Variants in ARHGAP5 observed in about 807,000 individuals in gnomAD.
ARHGAP5 encodes the protein Rho GTPase activating protein 5, also known as rho GTPase-activating protein 5.
ARHGAP5 carries 23 observed loss-of-function variants against 116.6 expected under a neutral mutation model. The ratio of observed to expected loss-of-function variants is 0.20; its 90% CI spans 0.14 to 0.28. ARHGAP5 has a LOEUF of 0.28. Ranked by LOEUF, ARHGAP5 falls within the 10% of genes least tolerant of loss-of-function variation. ARHGAP5 has a pLI of 1.00. For synonymous variants in ARHGAP5, 574 were observed against 602.0 expected, an observed-to-expected ratio of 0.95 and a Z score of 0.68; for missense variants, 1,405 against 1,774.8, an observed-to-expected ratio of 0.79 and a Z score of 3.74.
At chr14:32,149,661 A>G (rs1451272324) in intron 4 of ARHGAP5, among the ~76,000 whole-genome samples, 1 of 151,360 alleles carries the variant, frequency 6.6e-6, no homozygotes, top group Non-Finnish European at 1.5e-5. Flanking sequence ...AATCCCAGCT[A>G]CTCGGGAGGC....
chr14:32,094,465 A>T, intron 2 of ARHGAP5, 79 bp downstream of exon 2: 1 of 1,064,624 alleles, frequency 9.4e-7, no homozygotes, highest in East Asian at 2.4e-5. Context: ...CAGTGTTAGA[A>T]TTTAGTCTCA....
chr14:32,131,699 G>A (rs562828803), intron 3 of ARHGAP5, among the ~76,000 whole-genome samples: 27 of 152,064 alleles, frequency 1.8e-4, no homozygotes, highest in Non-Finnish European at 2.8e-4. Context: ...TGGTCATTTA[G>A]CATCAGGTAT....
At position 32,091,405 on chromosome 14, in the gene ARHGAP5, T is replaced by C. The variant is rs1222717180; in HGVS notation, c.736T>C (p.Leu246=). 1.9e-6 allele frequency: 3 copies of C among 1,610,806 alleles called. No individual in the cohort carries two copies. Among genetic ancestry groups the C allele is most frequent in the Non-Finnish European group, 2.5e-6 (3 of 1,178,528 alleles). ...ETCFTALVQM[L]DKTRSKPKII... ...ATGTTTTACTGCACTGGTACAAATGTTGGATAAAACTCGTAGCAAGCCTAA... is the reference window on the plus strand; with the variant it reads ...ATGTTTTACTGCACTGGTACAAATGCTGGATAAAACTCGTAGCAAGCCTAA... Residue 246 remains leucine (L), a synonymous_variant, in exon 2 of 7, where the codon TTG becomes CTG. Transcript: ENST00000345122.
At chr14:32,116,459 G>C (rs1351554657) in intron 2 of ARHGAP5, among the ~76,000 whole-genome samples, 3 of 151,524 alleles carry the variant, frequency 2.0e-5, no homozygotes, top group Non-Finnish European at 2.9e-5. Context: ...CGGGCGTGGT[G>C]GTGGGCGCCT....
At chr14:32,121,797 T>C (rs1879901706) in intron 3 of ARHGAP5, among the ~76,000 whole-genome samples, 1 of 152,254 alleles carries the variant, frequency 6.6e-6, no homozygotes, top group Admixed American at 6.5e-5. Flanking sequence ...CTTTACAGGC[T>C]TGCCTGTTCC....
intron 3 of ARHGAP5, among the ~76,000 whole-genome samples, chr14:32,127,460 A>T (rs968768882): frequency 8.5e-5 from 13 of 152,202 alleles, no homozygotes; most frequent in African/African-American, 2.9e-4. Context: ...GAGTTGACAC[A>T]GCACATGTTT....
intron 2 of ARHGAP5, 21 bp downstream of exon 2, chr14:32,094,407 G>A (rs1878424151): frequency 6.6e-7 from 1 of 1,512,030 alleles, no homozygotes; most frequent in Non-Finnish European, 8.9e-7. Flanking sequence ...CTTAAGGTCA[G>A]TGATGTTTAT....
At position 32,093,724 on chromosome 14, in the gene ARHGAP5, T is replaced by A. The variant is rs1237298600; in HGVS notation, c.3055T>A (p.Tyr1019Asn). Reference protein sequence around the residue: ...RYRLDLEGNEYPIHSTPNCHD... With the variant: ...RYRLDLEGNENPIHSTPNCHD... ...TAGATTAGATTTGGAAGGAAATGAG[T>A]ATCCTATTCATAGTACCCCAAACTG... The change falls in exon 2 of 7, where the codon TAT (tyrosine) becomes AAT (asparagine). Residue 1019 changes from tyrosine to asparagine, a missense_variant. Physicochemically the swap from Tyr to Asn is moderately radical, Grantham distance 143 (BLOSUM62 -2). This residue lies in a region of ARHGAP5 where 944 missense variants were observed against 1,095.3 expected (regional missense o/e 0.86). Transcript: ENST00000345122. 1 of 1,614,004 alleles carries A rather than the reference T, an allele frequency of 6.2e-7. No homozygotes were observed. The highest frequency in any genetic ancestry group is 1.7e-5 in the Admixed American group (1 of 59,990).
chr14:32,100,103 G>A (rs181740517), intron 2 of ARHGAP5, among the ~76,000 whole-genome samples: 1 of 152,250 alleles, frequency 6.6e-6, no homozygotes, highest in East Asian at 1.9e-4. Flanking sequence ...TGTACATTGT[G>A]CCCTCTGTAT....
chr14:32,152,395 C>A (rs1357758185), intron 5 of ARHGAP5, 28 bp from the exon 6 acceptor site: 2 of 1,425,256 alleles, frequency 1.4e-6, no homozygotes, highest in East Asian at 2.3e-5. Context: ...AAGTTTTACA[C>A]AGATTCTTCA....
intron 3 of ARHGAP5, among the ~76,000 whole-genome samples, chr14:32,123,171 A>G (rs1879974914): frequency 6.6e-6 from 1 of 152,010 alleles, no homozygotes. Flanking sequence ...TTATCACATA[A>G]TTTTAATAAT....
chr14:32,136,578 A>T (rs1023513410), intron 3 of ARHGAP5, among the ~76,000 whole-genome samples: 1 of 152,020 alleles, frequency 6.6e-6, no homozygotes, highest in Non-Finnish European at 1.5e-5. Flanking sequence ...TGTTTGTGTA[A>T]GTATTTGTTT....
intron 1 of ARHGAP5, among the ~76,000 whole-genome samples, 159 bp from the exon 2 acceptor site, chr14:32,090,343 A>G (rs1878179677): frequency 6.6e-6 from 1 of 152,036 alleles, no homozygotes; most frequent in Non-Finnish European, 1.5e-5. Context: ...GTCATCTTGT[A>G]TTTATAACAG....
At chr14:32,107,436 T>TA (rs150283696) in intron 2 of ARHGAP5, among the ~76,000 whole-genome samples, 6,406 of 152,268 alleles carry the variant, frequency 0.042, 435 homozygotes, top group African/African-American at 0.14. Flanking sequence ...ACAGAAATCT[T>TA]ATGTGTGAAG....
intron 1 of ARHGAP5, among the ~76,000 whole-genome samples, chr14:32,083,745 A>G (rs2041801532): frequency 6.6e-6 from 1 of 152,118 alleles, no homozygotes; most frequent in Non-Finnish European, 1.5e-5. Flanking sequence ...TGTTTGTATG[A>G]TGAAAATGAC....
intron 3 of ARHGAP5, among the ~76,000 whole-genome samples, chr14:32,127,406 T>C (rs901118691): frequency 6.6e-6 from 1 of 152,072 alleles, no homozygotes; most frequent in Non-Finnish European, 1.5e-5. Context: ...CAAGCATTTG[T>C]TTAACAAAGC....
intron 2 of ARHGAP5, among the ~76,000 whole-genome samples, chr14:32,101,924 A>G (rs557420546): frequency 6.6e-5 from 10 of 152,286 alleles, no homozygotes; most frequent in African/African-American, 2.2e-4. Flanking sequence ...TGAAGGTTGC[A>G]GTGAGCCAAG....
intron 4 of ARHGAP5, 38 bp downstream of exon 4, chr14:32,146,378 T>C: frequency 6.9e-7 from 1 of 1,445,332 alleles, no homozygotes; most frequent in East Asian, 2.3e-5. Context: ...ATTGTTGTTT[T>C]ATGTTTTCCT....
At chr14:32,121,737 T>G (rs909994445) in intron 3 of ARHGAP5, among the ~76,000 whole-genome samples, 4 of 152,208 alleles carry the variant, frequency 2.6e-5, no homozygotes, top group Non-Finnish European at 5.9e-5. Context: ...CTATACTGAT[T>G]AAGCAATCAC....
Sources: allele counts gnomAD v4.1 joint callset (sites outside exome capture counted in the v4.1 genomes callset), GRCh38; gene constraint gnomAD v4.1.1; regional missense constraint gnomAD v4.1.1; transcripts MANE v1.5; gene names NCBI Gene and HGNC (gene_info 2026-07-23, HGNC 2026-07-21).